The following DEPTOR variants were observed in gnomAD, a reference collection of about 807,000 sequenced individuals.
The protein encoded by DEPTOR is DEP domain-containing mTOR-interacting protein.
A neutral mutation model predicts 41.6 loss-of-function variants in DEPTOR; 41 were observed. The ratio of observed to expected loss-of-function variants is 0.98; its 90% CI spans 0.77 to 1.28. The LOEUF is 1.28. DEPTOR is among the 50% of genes most tolerant of loss of function. The pLI is 0.00. For synonymous variants in DEPTOR, 195 were observed against 192.3 expected, an observed-to-expected ratio of 1.01 and a Z score of -0.12; for missense variants, 514 against 527.9, an observed-to-expected ratio of 0.97 and a Z score of 0.26.
At chr8:119,953,384 A>G (rs1226874857) in intron 3 of DEPTOR, among the ~76,000 whole-genome samples, 1 of 152,116 alleles carries the variant, frequency 6.6e-6, no homozygotes, top group Non-Finnish European at 1.5e-5. Flanking sequence ...GGAGTTTGAG[A>G]ACAGCCTGGC....
At chr8:119,874,284 T>G in intron 1 of DEPTOR, 5 of 362,136 alleles carry the variant, frequency 1.4e-5, no homozygotes, top group East Asian at 7.0e-5. Flanking sequence ...TCTTCCCGTG[T>G]ACCTGGACGC....
chr8:119,924,572 C>T (rs1426168048), intron 1 of DEPTOR, among the ~76,000 whole-genome samples: 2 of 152,000 alleles, frequency 1.3e-5, no homozygotes, highest in Admixed American at 1.3e-4. Flanking sequence ...TCATCTTTTC[C>T]CTTTATTCAA....
chr8:119,906,912 T>A (rs1035478106), intron 1 of DEPTOR, among the ~76,000 whole-genome samples: 1 of 152,148 alleles, frequency 6.6e-6, no homozygotes, highest in African/African-American at 2.4e-5. Flanking sequence ...TCCTGTGCAT[T>A]ACATGGTGCC....
chr8:119,892,287 C>A (rs1359593303), intron 1 of DEPTOR, among the ~76,000 whole-genome samples: 1 of 152,222 alleles, frequency 6.6e-6, no homozygotes, highest in Admixed American at 6.5e-5. Context: ...GCATGAGCTA[C>A]TATACCTGGC....
At chr8:119,954,488 G>A (rs1440619597) in intron 3 of DEPTOR, among the ~76,000 whole-genome samples, 2 of 152,084 alleles carry the variant, frequency 1.3e-5, no homozygotes, top group Admixed American at 6.6e-5. Flanking sequence ...CACATGACTT[G>A]TTTTTTAAAG....
intron 4 of DEPTOR, among the ~76,000 whole-genome samples, chr8:119,992,239 A>G (rs929480099): frequency 6.6e-6 from 1 of 152,174 alleles, no homozygotes; most frequent in Admixed American, 6.6e-5. Flanking sequence ...AGCCCCAGCC[A>G]CCCTTGTGCA....
intron 4 of DEPTOR, among the ~76,000 whole-genome samples, chr8:119,972,850 C>A (rs188437958): frequency 1.3e-5 from 2 of 152,158 alleles, no homozygotes; most frequent in Non-Finnish European, 2.9e-5. Flanking sequence ...AGATTATTAA[C>A]CTCTGAAATC....
intron 4 of DEPTOR, among the ~76,000 whole-genome samples, chr8:119,987,672 A>T (rs908247106): frequency 2.0e-5 from 3 of 151,818 alleles, no homozygotes; most frequent in African/African-American, 7.3e-5. Context: ...GGGAGAGGGG[A>T]GTTTTATCTA....
intron 3 of DEPTOR, among the ~76,000 whole-genome samples, chr8:119,933,576 G>A (rs967401093): frequency 2.6e-5 from 4 of 151,300 alleles, no homozygotes; most frequent in African/African-American, 9.7e-5. Context: ...TTTTAAAATA[G>A]ATGGAGCATT....
At chr8:119,980,067 A>G (rs1828743038) in intron 4 of DEPTOR, among the ~76,000 whole-genome samples, 1 of 152,026 alleles carries the variant, frequency 6.6e-6, no homozygotes, top group Non-Finnish European at 1.5e-5. Context: ...CTTGTGGGAA[A>G]TCAGCCACCA....
chr8:119,907,435 G>T (rs1262488901), intron 1 of DEPTOR, among the ~76,000 whole-genome samples: 1 of 152,058 alleles, frequency 6.6e-6, no homozygotes, highest in Non-Finnish European at 1.5e-5. Context: ...TTTATTGAGG[G>T]CCTGTGGGAA....
intron 8 of DEPTOR, among the ~76,000 whole-genome samples, chr8:120,022,101 C>T (rs1049644403): frequency 9.1e-5 from 13 of 143,334 alleles, no homozygotes; most frequent in South Asian, 4.5e-4. Flanking sequence ...AAGGTTACAG[C>T]GAACTGTGAT....
intron 7 of DEPTOR, among the ~76,000 whole-genome samples, chr8:120,008,455 G>A (rs1303784159): frequency 6.6e-6 from 1 of 151,126 alleles, no homozygotes; most frequent in African/African-American, 2.4e-5. Flanking sequence ...CTTGAACCCG[G>A]GAGGTGGGGT....
intron 8 of DEPTOR, among the ~76,000 whole-genome samples, chr8:120,009,983 C>T (rs2130106595): frequency 6.6e-6 from 1 of 152,122 alleles, no homozygotes; most frequent in East Asian, 1.9e-4. Context: ...AAGGTGTATT[C>T]CTGTGGGGTT....
chr8:119,957,960 C>A (rs1828440808), intron 3 of DEPTOR, among the ~76,000 whole-genome samples: 1 of 152,154 alleles, frequency 6.6e-6, no homozygotes, highest in Non-Finnish European at 1.5e-5. Flanking sequence ...TTCCCTGGAA[C>A]TTCAGTGTTC....
intron 1 of DEPTOR, among the ~76,000 whole-genome samples, chr8:119,922,398 G>T (rs910409164): frequency 5.9e-5 from 9 of 151,954 alleles, no homozygotes; most frequent in South Asian, 4.2e-4. Flanking sequence ...AAGTAAATTG[G>T]TCTTCATTAT....
intron 1 of DEPTOR, among the ~76,000 whole-genome samples, chr8:119,884,488 TAAAG>T (rs1447665201): frequency 1.3e-5 from 2 of 151,534 alleles, no homozygotes; most frequent in South Asian, 2.1e-4. Context: ...AGTGTAGAAA[TAAAG>T]AATTATTTGC....
intron 1 of DEPTOR, among the ~76,000 whole-genome samples, chr8:119,895,602 G>A (rs932266747): frequency 1.3e-5 from 2 of 152,204 alleles, no homozygotes; most frequent in African/African-American, 4.8e-5. Context: ...AGGCACAGAA[G>A]AGCCTTGGGG....
chr8:120,044,077 AAAAAAAG>A (rs1192667632), intron 8 of DEPTOR, among the ~76,000 whole-genome samples: 1 of 151,964 alleles, frequency 6.6e-6, no homozygotes, highest in Non-Finnish European at 1.5e-5. Flanking sequence ...CTAACAAAAA[AAAAAAAG>A]AAAAAAGAAA....
Sources: gnomAD v4.1 joint callset for allele counts (sites outside exome capture counted in the v4.1 genomes callset) on GRCh38, gnomAD v4.1.1 for gene constraint, MANE v1.5 for transcripts, NCBI Gene and HGNC (gene_info 2026-07-23, HGNC 2026-07-21) for gene names.